Variants in CSNK1G3 observed in about 807,000 individuals in gnomAD.
CSNK1G3 encodes the protein casein kinase I isoform gamma-3.
Under a neutral mutation model 64.3 loss-of-function variants are expected in CSNK1G3, and 23 were observed. The ratio of observed to expected loss-of-function variants is 0.36; its 90% CI spans 0.26 to 0.51. CSNK1G3 has a LOEUF of 0.51. Among genes scored for constraint, CSNK1G3 ranks in the 20% least tolerant of loss-of-function variants. The probability of loss-of-function intolerance (pLI) is 0.96; values close to 1 mark genes in which losing one functional copy is unlikely to be tolerated. For missense variants in CSNK1G3, 357 were observed against 510.5 expected (o/e 0.70, Z 2.90); for synonymous variants, 158 against 162.2 (o/e 0.97, Z 0.20).
At chr5:123,575,094 C>T (rs1297583325) in intron 5 of CSNK1G3, among the ~76,000 whole-genome samples, 1 of 152,084 alleles carries the variant, frequency 6.6e-6, no homozygotes, top group Non-Finnish European at 1.5e-5. Context: ...GTACAATGAA[C>T]ATTGAGAATC....
chr5:123,582,548 C>T (rs1383588496), intron 6 of CSNK1G3, among the ~76,000 whole-genome samples: 5 of 152,016 alleles, frequency 3.3e-5, no homozygotes, highest in Non-Finnish European at 5.9e-5. Context: ...GACTATGTAC[C>T]TTTTTAATTG....
intron 1 of CSNK1G3, among the ~76,000 whole-genome samples, chr5:123,534,204 C>T (rs1426730662): frequency 6.6e-6 from 1 of 152,026 alleles, no homozygotes; most frequent in East Asian, 1.9e-4. Flanking sequence ...TAAGAATACC[C>T]TTAGAAATTT....
At chr5:123,554,806 T>A (rs1784331510) in intron 3 of CSNK1G3, among the ~76,000 whole-genome samples, 1 of 152,228 alleles carries the variant, frequency 6.6e-6, no homozygotes, top group South Asian at 2.1e-4. Flanking sequence ...GCTCTACTCA[T>A]GGGAGCATGC....
intron 10 of CSNK1G3, among the ~76,000 whole-genome samples, chr5:123,603,889 A>G (rs555016987): frequency 1.3e-5 from 2 of 152,236 alleles, no homozygotes; most frequent in Non-Finnish European, 2.9e-5. Flanking sequence ...TGTAAGGAAT[A>G]TAGATTTTTT....
chr5:123,548,732 C>A (rs1477949046), intron 2 of CSNK1G3, among the ~76,000 whole-genome samples: 5 of 150,676 alleles, frequency 3.3e-5, no homozygotes, highest in African/African-American at 1.2e-4. Context: ...ATAGTGAGAT[C>A]CTGTCTGTAA....
At chr5:123,577,552 C>CT (rs142234877) in intron 6 of CSNK1G3, among the ~76,000 whole-genome samples, 50,396 of 150,748 alleles carry the variant, frequency 0.33, 8,406 homozygotes, top group Middle Eastern at 0.43. Context: ...ATATTTGTAT[C>CT]TTTTTTTTTA....
At chr5:123,608,210 A>C (rs1795700312) in intron 12 of CSNK1G3, among the ~76,000 whole-genome samples, 1 of 152,076 alleles carries the variant, frequency 6.6e-6, no homozygotes, top group South Asian at 2.1e-4. Flanking sequence ...TCTTACCTAT[A>C]ATTAGCAGAG....
At chr5:123,548,950 A>C (rs1316849038) in intron 2 of CSNK1G3, among the ~76,000 whole-genome samples, 1 of 152,228 alleles carries the variant, frequency 6.6e-6, no homozygotes, top group East Asian at 1.9e-4. Flanking sequence ...GTTTACTCTC[A>C]TGATTGTGTG....
chr5:123,558,831 G>C lies in CSNK1G3; in HGVS notation c.289+1267G>C, dbSNP rs530924485. On this transcript the variant is annotated intron_variant, in intron 4 of 12. Transcript: ENST00000345990. ...TACTAGCAAATAAGAAGTTAAGTGG[G>C]TATAAAACGAATTTATTGACTCATG... Among the ~76,000 whole-genome samples the C allele has an allele frequency of 5.3e-4, 81 of 152,296 alleles. 2 individuals are homozygous for C. In the South Asian group the frequency reaches 0.017, roughly 32 times the overall value.
rs1037845251 is a variant in CSNK1G3, at chr5:123,538,503, C to A, written c.-247-6914C>A. On this transcript the variant is annotated intron_variant, in intron 1 of 12. Coordinates refer to ENST00000345990, the Ensembl canonical transcript of CSNK1G3. ...TGAAAAGAGTCTATTCAGATCGTTTCTATATTTAAAAAAATGCAGTTGTTC... is the reference window on the plus strand; with the variant it reads ...TGAAAAGAGTCTATTCAGATCGTTTATATATTTAAAAAAATGCAGTTGTTC... Among the ~76,000 whole-genome samples the A allele has an allele frequency of 2.0e-5, 3 of 152,048 alleles. No individual in the cohort carries two copies. In the South Asian group the frequency reaches 6.2e-4, roughly 31 times the overall value.
At chr5:123,549,144 GTTTTA>G (rs1783160706) in intron 2 of CSNK1G3, among the ~76,000 whole-genome samples, 1 of 152,130 alleles carries the variant, frequency 6.6e-6, no homozygotes, top group South Asian at 2.1e-4. Flanking sequence ...TGTGTTTGTA[GTTTTA>G]TTTTATGTGT....
At chr5:123,535,635 G>A (rs960846196) in intron 1 of CSNK1G3, among the ~76,000 whole-genome samples, 8 of 152,056 alleles carry the variant, frequency 5.3e-5, no homozygotes, top group Admixed American at 5.2e-4. Context: ...GAATAAAATA[G>A]GAAATGGCTT....
chr5:123,589,275 C>T (rs1044388643), intron 8 of CSNK1G3, among the ~76,000 whole-genome samples: 13 of 152,040 alleles, frequency 8.6e-5, no homozygotes, highest in Admixed American at 4.6e-4. Flanking sequence ...CTTTCTCAAG[C>T]TTGTTTATAT....
At chr5:123,608,990 A>G (rs1196549729) in intron 12 of CSNK1G3, among the ~76,000 whole-genome samples, 2 of 152,168 alleles carry the variant, frequency 1.3e-5, no homozygotes, top group African/African-American at 4.8e-5. Flanking sequence ...CATTTACACT[A>G]GTTCTCAAAG....
At chr5:123,610,435 G>A (rs1040756727) in intron 12 of CSNK1G3, among the ~76,000 whole-genome samples, 13 of 152,134 alleles carry the variant, frequency 8.5e-5, no homozygotes, top group Non-Finnish European at 1.5e-4. Context: ...AGTCATCTTA[G>A]AAGGGATAAA....
chr5:123,605,915 C>T (rs1014970252), intron 12 of CSNK1G3, among the ~76,000 whole-genome samples: 1 of 151,952 alleles, frequency 6.6e-6, no homozygotes, highest in Non-Finnish European at 1.5e-5. Context: ...TGGAAAGTAA[C>T]ATTAATAGAA....
At chr5:123,556,420 A>G (rs1483099513) in intron 3 of CSNK1G3, among the ~76,000 whole-genome samples, 1 of 151,942 alleles carries the variant, frequency 6.6e-6, no homozygotes, top group African/African-American at 2.4e-5. Context: ...TCAAATCCAT[A>G]CTAAATCTTC....
intron 8 of CSNK1G3, among the ~76,000 whole-genome samples, chr5:123,589,362 C>T (rs867651919): frequency 7.2e-5 from 11 of 151,986 alleles, no homozygotes; most frequent in African/African-American, 1.9e-4. Context: ...TTTAAAATGT[C>T]GGTTAATAGT....
chr5:123,546,702 T>C (rs1782590410), intron 2 of CSNK1G3, among the ~76,000 whole-genome samples: 1 of 152,166 alleles, frequency 6.6e-6, no homozygotes, highest in South Asian at 2.1e-4. Context: ...TCTCAATTTA[T>C]TTTAGATTCA....
Sources: allele counts gnomAD v4.1 joint callset (sites outside exome capture counted in the v4.1 genomes callset), GRCh38; gene constraint gnomAD v4.1.1; transcripts MANE v1.5; gene names NCBI Gene and HGNC (gene_info 2026-07-23, HGNC 2026-07-21).